The following IHO1 variants were observed in gnomAD, a reference collection of about 807,000 sequenced individuals.
The protein encoded by IHO1 is interactor of HORMAD1 protein 1.
Under a neutral mutation model 31.0 loss-of-function variants are expected in IHO1, and 13 were observed. The ratio of observed to expected loss-of-function variants is 0.42; its 90% CI spans 0.27 to 0.67. The LOEUF is 0.67. Ranked by LOEUF, IHO1 falls within the 30% of genes least tolerant of loss-of-function variation. The probability of loss-of-function intolerance (pLI) is 0.24; values close to 1 mark genes in which losing one functional copy is unlikely to be tolerated. For missense variants in IHO1, 599 were observed against 687.5 expected (o/e 0.87, Z 1.44); for synonymous variants, 221 against 248.4 (o/e 0.89, Z 1.04).
chr3:49,229,166 CT>C (rs1173669837), intron 2 of IHO1, among the ~76,000 whole-genome samples: 1 of 152,228 alleles, frequency 6.6e-6, no homozygotes, highest in Non-Finnish European at 1.5e-5. Flanking sequence ...ACACAGAGCA[CT>C]GATTGGTGCA....
At chr3:49,201,579 C>T (rs539158020) in intron 1 of IHO1, among the ~76,000 whole-genome samples, 9 of 151,928 alleles carry the variant, frequency 5.9e-5, no homozygotes, top group East Asian at 1.9e-4. Context: ...GCCAAGATCG[C>T]GCCACTCCAC....
At chr3:49,195,793 CAAAT>C (rs1474480974), upstream of IHO1, among the ~76,000 whole-genome samples, 6 of 151,464 alleles carry the variant, frequency 4.0e-5, no homozygotes, top group East Asian at 5.9e-4. Context: ...TGATGGGAAA[CAAAT>C]AACAGGATAG....
In IHO1 at chr3:49,257,020, C is replaced by G; in HGVS notation, c.1523C>G (p.Pro508Arg). 1 of 1,614,154 alleles carries G rather than the reference C, an allele frequency of 6.2e-7. No homozygotes were observed. The highest frequency in any genetic ancestry group is 8.5e-7 in the Non-Finnish European group (1 of 1,180,012). ...QPLHLQCPRS[P>R]RKPVCPILGG... ...CTGCATCTGCAGTGTCCCAGGAGCCCCAGAAAACCAGTCTGCCCTATTCTG... is the reference window on the plus strand; with the variant it reads ...CTGCATCTGCAGTGTCCCAGGAGCCGCAGAAAACCAGTCTGCCCTATTCTG... Residue 508 changes from proline (P) to arginine (R), a missense_variant, in exon 8 of 8, where the codon CCC (proline) becomes CGC (arginine). Pro to Arg is a moderately radical substitution (Grantham distance 103, BLOSUM62 -2). Transcript: ENST00000452691.
intron 2 of IHO1, among the ~76,000 whole-genome samples, chr3:49,236,042 A>T (rs149110768): frequency 1.2e-3 from 185 of 152,062 alleles, no homozygotes; most frequent in Admixed American, 2.4e-3. Context: ...GGAGTTCAAG[A>T]CCAGCCTGGT....
chr3:49,199,510 G>C lies in IHO1; in HGVS notation c.-79G>C, dbSNP rs2046025615. ...CGCGCGTGCCGTTGCAGAGGCAGCG[G>C]GACGCGGCCACCTCGAAGCCACGTC... On this transcript the variant is annotated 5_prime_UTR_variant, in exon 1 of 8. Transcript: ENST00000452691. 1 of 152,306 alleles carries C rather than the reference G, an allele frequency of 6.6e-6. No homozygotes were observed. Among genetic ancestry groups the C allele is most frequent in the South Asian group, 2.1e-4 (1 of 4,828 alleles). The allele number at this position is 152,306 out of a possible 1,614,324, so 9.4% of individuals were successfully genotyped here.
intron 6 of IHO1, among the ~76,000 whole-genome samples, chr3:49,250,628 G>T (rs1306474999): frequency 6.6e-6 from 1 of 152,136 alleles, no homozygotes; most frequent in Non-Finnish European, 1.5e-5. Context: ...TGACTAATTG[G>T]GTTTAGGAGC....
rs937300631 is a variant in IHO1 at position 49,244,469 on chromosome 3, T to C, written c.444+17T>C. Reference sequence around the variant, plus strand: ...ATTCTCAGGGTAAGTACAGATACTTTTCAAGGAGTTAGAACATCTTATATT... The same window carrying C: ...ATTCTCAGGGTAAGTACAGATACTTCTCAAGGAGTTAGAACATCTTATATT... On this transcript the variant is annotated intron_variant, in intron 5 of 7. Transcript: ENST00000452691. 2.6e-6 allele frequency: 4 copies of C among 1,515,690 alleles called. No homozygotes were observed. The highest frequency in any genetic ancestry group is 3.6e-6 in the Non-Finnish European group (4 of 1,108,854). The allele number at this position is 1,515,690 out of a possible 1,614,324, so 93.9% of individuals were successfully genotyped here.
intron 4 of IHO1, 101 bp downstream of exon 4, chr3:49,241,490 T>C (rs73084153): frequency 0.014 from 15,553 of 1,115,526 alleles, 143 homozygotes; most frequent in Non-Finnish European, 0.015. Context: ...CATAATAGCA[T>C]GTATTAGAGT....
chr3:49,255,738 A>T (rs1002729527), intron 7 of IHO1, among the ~76,000 whole-genome samples: 1 of 151,640 alleles, frequency 6.6e-6, no homozygotes, highest in Non-Finnish European at 1.5e-5. Context: ...TTTAGTAGAG[A>T]GGGGGTTTTT....
chr3:49,241,528 TACACACAC>T lies in IHO1; in HGVS notation c.395+141_395+148del, dbSNP rs2046630767. On this transcript the variant is annotated intron_variant, in intron 4 of 7. Coordinates refer to ENST00000452691, the MANE Select transcript of IHO1 (RefSeq NM_001135197.2). ...TCCAGAGAAACCAAACCATAGGACT[TACACACAC>T]ATACACACACACACACACACACACA... is the stretch of plus-strand genomic sequence containing the variant. The T allele has an allele frequency of 1.1e-5, 6 of 554,736 alleles. No individual in the cohort carries two copies. In the South Asian group the frequency reaches 1.6e-4, roughly 15 times the overall value. 34.4% of individuals were successfully genotyped at this position (554,736 alleles called of 1,614,324 possible).
intron 1 of IHO1, among the ~76,000 whole-genome samples, chr3:49,202,849 G>A (rs1575562335): frequency 9.1e-6 from 1 of 110,466 alleles, no homozygotes; most frequent in South Asian, 2.7e-4. Flanking sequence ...CTAATTTTTT[G>A]TATTTTTTTT....
chr3:49,201,963 T>C (rs955737867), intron 1 of IHO1, among the ~76,000 whole-genome samples: 1 of 152,204 alleles, frequency 6.6e-6, no homozygotes, highest in Non-Finnish European at 1.5e-5. Flanking sequence ...CTATTTGGCA[T>C]GTTTTGCTCC....
chr3:49,221,945 G>A (rs1030709196), intron 2 of IHO1, among the ~76,000 whole-genome samples: 3 of 152,136 alleles, frequency 2.0e-5, no homozygotes, highest in African/African-American at 4.8e-5. Context: ...TTGTACTATC[G>A]CTGACTGGTT....
chr3:49,223,991 T>C (rs2046386905), intron 2 of IHO1, among the ~76,000 whole-genome samples: 1 of 152,176 alleles, frequency 6.6e-6, no homozygotes. Context: ...CTCACAGGCT[T>C]TGACTACCTG....
chr3:49,201,229 G>A (rs916005359), intron 1 of IHO1, among the ~76,000 whole-genome samples: 5 of 151,754 alleles, frequency 3.3e-5, no homozygotes, highest in Non-Finnish European at 5.9e-5. Flanking sequence ...TCCTGACCTC[G>A]TGATCCGCCT....
At chr3:49,209,753 C>T (rs559964507) in intron 1 of IHO1, among the ~76,000 whole-genome samples, 1 of 150,738 alleles carries the variant, frequency 6.6e-6, no homozygotes, top group Admixed American at 6.6e-5. Context: ...CTTGCACTGT[C>T]GCCCAGGCTG....
chr3:49,202,886 C>T (rs1243843287), intron 1 of IHO1, among the ~76,000 whole-genome samples: 1 of 131,088 alleles, frequency 7.6e-6, no homozygotes, highest in African/African-American at 2.8e-5. Flanking sequence ...GACGGAGTCT[C>T]GCTCTGTCGC....
At chr3:49,196,228 CAA>C (rs1210658279), upstream of IHO1, among the ~76,000 whole-genome samples, 7 of 43,638 alleles carry the variant, frequency 1.6e-4, no homozygotes, top group Admixed American at 2.8e-4. Flanking sequence ...GACTCCGTCA[CAA>C]AAAAAAAAAA....
chr3:49,236,911 A>G (rs1297302079), intron 3 of IHO1, among the ~76,000 whole-genome samples, 189 bp downstream of exon 3: 2 of 151,762 alleles, frequency 1.3e-5, no homozygotes, highest in South Asian at 2.1e-4. Context: ...GCAAAACCCC[A>G]TCTCTACAAA....
Sources: allele counts gnomAD v4.1 joint callset (sites outside exome capture counted in the v4.1 genomes callset), GRCh38; gene constraint gnomAD v4.1.1; transcripts MANE v1.5; gene names NCBI Gene and HGNC (gene_info 2026-07-23, HGNC 2026-07-21).